Variants in TAFA5 observed in about 807,000 individuals in gnomAD.
The protein encoded by TAFA5 is TAFA chemokine like family member 5, also known as chemokine-like protein TAFA-5.
TAFA5 carries 6 observed loss-of-function variants against 15.3 expected under a neutral mutation model. That is an observed-to-expected ratio of 0.39 (90% CI 0.21 to 0.77). TAFA5 has a LOEUF of 0.77. Among genes scored for constraint, TAFA5 ranks in the 30% least tolerant of loss-of-function variants. TAFA5 has a pLI of 0.41. For missense variants in TAFA5, 161 were observed against 193.1 expected (o/e 0.83, Z 0.98); for synonymous variants, 103 against 80.7 (o/e 1.28, Z -1.48).
At chr22:48,646,548 G>T in intron 1 of TAFA5, 49 bp from the exon 2 acceptor site, 1 of 1,595,078 alleles carries the variant, frequency 6.3e-7, no homozygotes, top group Non-Finnish European at 8.5e-7. Flanking sequence ...TCTGGCTGTG[G>T]GGTGTCTGTA....
At chr22:48,520,568 C>G (rs971066321) in intron 1 of TAFA5, among the ~76,000 whole-genome samples, 6 of 152,188 alleles carry the variant, frequency 3.9e-5, no homozygotes, top group African/African-American at 1.4e-4. Flanking sequence ...GATGGAGAGT[C>G]AGAATGCCTG....
intron 3 of TAFA5, among the ~76,000 whole-genome samples, chr22:48,721,098 G>A (rs141300491): frequency 1.1e-3 from 172 of 152,348 alleles, no homozygotes; most frequent in Non-Finnish European, 2.2e-3. Flanking sequence ...GAAGGTGGAC[G>A]TGAGCTCCAT....
intron 1 of TAFA5, among the ~76,000 whole-genome samples, chr22:48,636,492 T>C (rs1359056023): frequency 9.2e-6 from 1 of 108,992 alleles, no homozygotes; most frequent in Non-Finnish European, 1.9e-5. Flanking sequence ...CAATCAGCGA[T>C]AAGACTAAAC....
intron 1 of TAFA5, chr22:48,546,428 G>A (rs894880646): frequency 2.8e-5 from 13 of 464,926 alleles, no homozygotes; most frequent in South Asian, 1.9e-4. Flanking sequence ...AGTGACCATC[G>A]GACACTGCCC....
chr22:48,544,635 C>T (rs980960529), intron 1 of TAFA5: 14 of 461,982 alleles, frequency 3.0e-5, no homozygotes, highest in South Asian at 4.8e-5. Flanking sequence ...GCATTTCCAC[C>T]CCCCTTCTTA....
chr22:48,553,721 C>T (rs905818881), intron 1 of TAFA5, among the ~76,000 whole-genome samples: 3 of 152,214 alleles, frequency 2.0e-5, no homozygotes, highest in African/African-American at 7.2e-5. Flanking sequence ...GCTCTCTCTC[C>T]GGGCTGGTGG....
intron 1 of TAFA5, among the ~76,000 whole-genome samples, chr22:48,597,778 C>G (rs960060254): frequency 6.6e-6 from 1 of 152,258 alleles, no homozygotes; most frequent in Non-Finnish European, 1.5e-5. Flanking sequence ...TCCAGACACA[C>G]GTGGTAGGCA....
At chr22:48,534,726 G>C (rs988384880) in intron 1 of TAFA5, among the ~76,000 whole-genome samples, 2 of 152,192 alleles carry the variant, frequency 1.3e-5, no homozygotes, top group Non-Finnish European at 2.9e-5. Context: ...ACCCTGGAAC[G>C]GGGGGAGGGG....
In TAFA5 at chr22:48,749,205, C is replaced by T. The variant is rs571673614; in HGVS notation, c.391-634C>T. Among the ~76,000 whole-genome samples the T allele has an allele frequency of 2.0e-5, 3 of 152,308 alleles. No homozygotes were observed. The East Asian group carries it at 5.8e-4, about 29-fold the overall frequency. ...CTAGGGGGCCTGGAGTGGACCCTCC[C>T]TCAGATCCTCCAGCAGGAACAGGCC... On this transcript the variant is annotated intron_variant, in intron 3 of 3. Coordinates refer to ENST00000402357, the MANE Select transcript of TAFA5 (RefSeq NM_001082967.3).
intron 3 of TAFA5, among the ~76,000 whole-genome samples, chr22:48,746,084 T>C (rs1380478987): frequency 6.6e-6 from 1 of 152,070 alleles, no homozygotes; most frequent in East Asian, 1.9e-4. Context: ...CAGCGTCCAT[T>C]CAAGGAAAGG....
chr22:48,624,261 C>T lies in TAFA5; in HGVS notation c.113-22336C>T, dbSNP rs575763886. 8.5e-5 allele frequency among the ~76,000 whole-genome samples: 13 copies of T among 152,312 alleles called. No homozygotes were observed. The East Asian group carries it at 1.9e-3, about 23-fold the overall frequency. ...AAGTGCCCTTCTCATCACATCCTAT[C>T]GGGGCATCCACTGTCATGAGTGTCA... On this transcript the variant is annotated intron_variant, in intron 1 of 3. Coordinates refer to ENST00000402357, the MANE Select transcript of TAFA5 (RefSeq NM_001082967.3).
intron 1 of TAFA5, among the ~76,000 whole-genome samples, chr22:48,510,123 T>G (rs1383392040): frequency 2.6e-5 from 4 of 152,188 alleles, no homozygotes; most frequent in African/African-American, 9.7e-5. Context: ...TTCGGGACAT[T>G]GGTCTGCACA....
intron 2 of TAFA5, among the ~76,000 whole-genome samples, chr22:48,664,449 A>G (rs937551215): frequency 1.3e-5 from 2 of 152,200 alleles, no homozygotes; most frequent in Admixed American, 6.5e-5. Flanking sequence ...GCGTGTAGAC[A>G]TATTCTGAAG....
At chr22:48,676,403 A>G (rs60192609) in intron 2 of TAFA5, among the ~76,000 whole-genome samples, 4,700 of 152,314 alleles carry the variant, frequency 0.031, 249 homozygotes, top group African/African-American at 0.11. Context: ...GCAGGCAAGC[A>G]AAGGAGGCAT....
At chr22:48,713,275 G>A (rs1929308173) in intron 3 of TAFA5, among the ~76,000 whole-genome samples, 2 of 152,216 alleles carry the variant, frequency 1.3e-5, no homozygotes, top group South Asian at 2.1e-4. Flanking sequence ...TTCTGAGGAC[G>A]TGCAGACGGC....
intron 1 of TAFA5, chr22:48,543,610 T>C (rs1443819831): frequency 6.6e-6 from 1 of 152,388 alleles, no homozygotes; most frequent in Non-Finnish European, 1.5e-5. Flanking sequence ...CTTGCTGCAG[T>C]GGAGATGGCT....
intron 3 of TAFA5, among the ~76,000 whole-genome samples, chr22:48,720,478 A>G (rs1479081157): frequency 6.6e-6 from 1 of 152,130 alleles, no homozygotes. Context: ...ATCACTGGGA[A>G]GAGAGGTGGG....
intron 3 of TAFA5, among the ~76,000 whole-genome samples, chr22:48,729,252 A>T (rs891515076): frequency 2.1e-5 from 2 of 94,590 alleles, no homozygotes; most frequent in African/African-American, 6.4e-5. Flanking sequence ...TTATTTATAA[A>T]TATATAATAA....
Position 48,646,680 on chromosome 22 carries a change from G to C in TAFA5, c.196G>C (p.Ala66Pro). ...TCGGAGGACGATCGCCCGGCAGACC[G>C]CCCGCTGTGCGTGTAGAAAGGGGCA... ...QPRRTIARQT[A>P]RCACRKGQIA... The change falls in exon 2 of 4, where the codon GCC becomes CCC. Residue 66 changes from alanine to proline, a missense_variant. Physicochemically the swap from Ala to Pro is conservative, Grantham distance 27. Coordinates refer to ENST00000402357, the MANE Select transcript of TAFA5 (RefSeq NM_001082967.3). 6.2e-7 allele frequency: 1 copy of C among 1,610,808 alleles called. No individual in the cohort carries two copies. Among genetic ancestry groups the C allele is most frequent in the Non-Finnish European group, 8.5e-7 (1 of 1,179,598 alleles).
Sources: allele counts gnomAD v4.1 joint callset (sites outside exome capture counted in the v4.1 genomes callset), GRCh38; gene constraint gnomAD v4.1.1; transcripts MANE v1.5; gene names NCBI Gene and HGNC (gene_info 2026-07-23, HGNC 2026-07-21).